UNC5D: variants seen among roughly 807,000 people sequenced by gnomAD.
The protein encoded by UNC5D is netrin receptor UNC5D.
UNC5D carries 39 observed loss-of-function variants against 105.4 expected under a neutral mutation model. The ratio of observed to expected loss-of-function variants is 0.37; its 90% CI spans 0.29 to 0.48. The LOEUF (loss-of-function observed/expected upper bound fraction) is 0.48, where lower values mean the gene tolerates loss of function less well. Ranked by LOEUF, UNC5D falls within the 20% of genes least tolerant of loss-of-function variation. The pLI, the probability that UNC5D is intolerant of heterozygous loss-of-function variation, is 0.98. For synonymous variants in UNC5D, 452 were observed against 450.4 expected, an observed-to-expected ratio of 1.00 and a Z score of -0.04; for missense variants, 991 against 1,202.4, an observed-to-expected ratio of 0.82 and a Z score of 2.60.
At chr8:35,349,028 G>C (rs1215782141) in intron 1 of UNC5D, among the ~76,000 whole-genome samples, 1 of 151,738 alleles carries the variant, frequency 6.6e-6, no homozygotes, top group Non-Finnish European at 1.5e-5. Flanking sequence ...TAAAATTTTT[G>C]AAAATGTCTT....
chr8:35,343,898 G>A (rs368902187), intron 1 of UNC5D, among the ~76,000 whole-genome samples: 1 of 152,222 alleles, frequency 6.6e-6, no homozygotes, highest in East Asian at 1.9e-4. Context: ...GCAGCTTAAA[G>A]TTATTAACCT....
rs148674835 is a variant in UNC5D, at chr8:35,251,049, A to G, written c.103+15162A>G. The stretch of plus-strand genomic sequence containing the variant: ...TTCAAGAAGTTATTTGAAGATTCCT[A>G]TAATGACAAAAGCATAAGGTATGAA... On this transcript the variant is annotated intron_variant, in intron 1 of 16. Transcript: ENST00000404895. Among the ~76,000 whole-genome samples, 158 of 152,320 alleles carry G rather than the reference A, an allele frequency of 1.0e-3. 1 individual carries two copies. Among genetic ancestry groups the G allele is most frequent in the African/African-American group, 3.8e-3 (157 of 41,562 alleles).
chr8:35,340,387 A>C (rs190230419), intron 1 of UNC5D, among the ~76,000 whole-genome samples: 11 of 152,306 alleles, frequency 7.2e-5, no homozygotes, highest in Middle Eastern at 3.4e-3. Flanking sequence ...ACATGGCTCT[A>C]TGTGGACCAG....
intron 1 of UNC5D, among the ~76,000 whole-genome samples, chr8:35,275,930 G>A (rs538749451): frequency 1.3e-5 from 2 of 152,284 alleles, no homozygotes; most frequent in South Asian, 4.2e-4. Flanking sequence ...GATTAGGGAT[G>A]TATGGCCAGA....
chr8:35,752,491 A>C (rs2131647899), intron 13 of UNC5D, among the ~76,000 whole-genome samples: 1 of 152,252 alleles, frequency 6.6e-6, no homozygotes, highest in Non-Finnish European at 1.5e-5. Context: ...GTATCTCTTA[A>C]GTAGCACAGG....
At chr8:35,568,328 C>A in intron 3 of UNC5D, 87 bp downstream of exon 3, 2 of 1,485,534 alleles carry the variant, frequency 1.3e-6, no homozygotes, top group Non-Finnish European at 9.1e-7. Flanking sequence ...ATGTCAGATG[C>A]TTCTACAGAA....
intron 1 of UNC5D, among the ~76,000 whole-genome samples, chr8:35,329,414 T>TATAC (rs1487454763): frequency 6.6e-6 from 1 of 151,050 alleles, no homozygotes; most frequent in Non-Finnish European, 1.5e-5. Context: ...TATATATATA[T>TATAC]ATATATATAT....
intron 1 of UNC5D, among the ~76,000 whole-genome samples, chr8:35,340,709 A>C (rs531316278): frequency 4.9e-4 from 75 of 152,298 alleles, no homozygotes; most frequent in Non-Finnish European, 9.4e-4. Flanking sequence ...CATGGTGAAC[A>C]ACAGGCACTC....
intron 14 of UNC5D, among the ~76,000 whole-genome samples, chr8:35,761,796 C>CT (rs1251225063): frequency 1.3e-5 from 2 of 152,050 alleles, no homozygotes; most frequent in Non-Finnish European, 2.9e-5. Context: ...GCATATTGTG[C>CT]TTGGCTTAAT....
intron 1 of UNC5D, among the ~76,000 whole-genome samples, chr8:35,364,795 ACT>A (rs1253988732): frequency 6.6e-6 from 1 of 151,944 alleles, no homozygotes; most frequent in African/African-American, 2.4e-5. Context: ...TTTATTTCTA[ACT>A]CTTTTCCATT....
chr8:35,578,895 T>C lies in UNC5D; in HGVS notation c.466+10654T>C, dbSNP rs57280065. Among the ~76,000 whole-genome samples the C allele has an allele frequency of 2.0e-5, 3 of 152,306 alleles. No homozygotes were observed. The East Asian group carries it at 5.8e-4, about 29-fold the overall frequency. On this transcript the variant is annotated intron_variant, in intron 3 of 16. Coordinates refer to ENST00000404895, the MANE Select transcript of UNC5D (RefSeq NM_080872.4). ...GACAGTTTCCCCAAATAGTATTCCT[T>C]CATACTATTTATTGCCAACGATTAT...
At chr8:35,254,331 A>G (rs928899329) in intron 1 of UNC5D, 1 of 152,176 alleles carries the variant, frequency 6.6e-6, no homozygotes, top group African/African-American at 2.4e-5. Flanking sequence ...AGATTTATAG[A>G]GATTAGATGC....
At chr8:35,661,657 A>G (rs1041650593) in intron 4 of UNC5D, among the ~76,000 whole-genome samples, 1 of 152,174 alleles carries the variant, frequency 6.6e-6, no homozygotes, top group Non-Finnish European at 1.5e-5. Flanking sequence ...GTCCTGGGCC[A>G]GCCTGTTCAT....
chr8:35,557,992 TGTG>T (rs1469997795), intron 2 of UNC5D, among the ~76,000 whole-genome samples: 1 of 151,936 alleles, frequency 6.6e-6, no homozygotes, highest in Non-Finnish European at 1.5e-5. Flanking sequence ...AGTAGCTGGA[TGTG>T]GTGGTGGGCA....
intron 2 of UNC5D, among the ~76,000 whole-genome samples, chr8:35,557,074 A>G (rs2130731892): frequency 6.6e-6 from 1 of 152,354 alleles, no homozygotes; most frequent in East Asian, 1.9e-4. Flanking sequence ...CATGTTGCCC[A>G]CCATGTTGTG....
chr8:35,548,781 T>G (rs997349168), intron 1 of UNC5D, among the ~76,000 whole-genome samples: 2 of 152,146 alleles, frequency 1.3e-5, no homozygotes, highest in African/African-American at 4.8e-5. Context: ...TGCCAGACAA[T>G]CTCCACCATT....
At chr8:35,393,125 C>CTTTTTTTTT (rs34886215) in intron 1 of UNC5D, among the ~76,000 whole-genome samples, 3 of 75,098 alleles carry the variant, frequency 4.0e-5, no homozygotes, top group Non-Finnish European at 7.7e-5. Context: ...CCTATTCCTA[C>CTTTTTTTTT]TTTTTTTTTT....
At chr8:35,408,596 T>C (rs746289387) in intron 1 of UNC5D, among the ~76,000 whole-genome samples, 3 of 151,752 alleles carry the variant, frequency 2.0e-5, no homozygotes, top group African/African-American at 2.4e-5. Context: ...AGAGCGTGAC[T>C]AAAATGGGTT....
intron 1 of UNC5D, among the ~76,000 whole-genome samples, chr8:35,333,465 C>A (rs1810785677): frequency 6.6e-6 from 1 of 152,032 alleles, no homozygotes; most frequent in Non-Finnish European, 1.5e-5. Context: ...ATTGTACAAT[C>A]CTTAGGTTTC....
Sources: allele counts gnomAD v4.1 joint callset (sites outside exome capture counted in the v4.1 genomes callset), GRCh38; gene constraint gnomAD v4.1.1; transcripts MANE v1.5; gene names NCBI Gene and HGNC (gene_info 2026-07-23, HGNC 2026-07-21).